SCEL: variants seen among roughly 807,000 people sequenced by gnomAD.
The protein encoded by SCEL is sciellin.
A neutral mutation model predicts 117.6 loss-of-function variants in SCEL; 113 were observed. The observed-to-expected ratio is 0.96, with a 90% CI of 0.83 to 1.12. SCEL has a LOEUF of 1.12. Among genes scored for constraint, SCEL ranks in the 50% most tolerant of loss-of-function variants. SCEL has a pLI of 0.00. For missense variants in SCEL, 785 were observed against 810.8 expected, an observed-to-expected ratio of 0.97 and a Z score of 0.39; for synonymous variants, 270 against 256.2, an observed-to-expected ratio of 1.05 and a Z score of -0.51.
chr13:77,542,963 C>T (rs184415701), intron 1 of SCEL, among the ~76,000 whole-genome samples: 141 of 152,154 alleles, frequency 9.3e-4, no homozygotes, highest in African/African-American at 3.4e-3. Flanking sequence ...GCACTGTTAC[C>T]GCACCCTGAA....
At chr13:77,554,473 T>C (rs943692225) in intron 1 of SCEL, among the ~76,000 whole-genome samples, 1 of 152,168 alleles carries the variant, frequency 6.6e-6, no homozygotes, top group Non-Finnish European at 1.5e-5. Context: ...AAATAATACG[T>C]TGACCCAAAG....
At position 77,621,135 on chromosome 13, in the gene SCEL, C is replaced by T. The variant is rs189791794; in HGVS notation, c.1628+3075C>T. ...ACTTGCCCCTCTGCTGCCAATCTCCCCTTCTGCCCTTCAATCCATTCGCCA... is the reference window on the plus strand; with the variant it reads ...ACTTGCCCCTCTGCTGCCAATCTCCTCTTCTGCCCTTCAATCCATTCGCCA... On this transcript the variant is annotated intron_variant, in intron 27 of 32. Coordinates refer to ENST00000349847, the MANE Select transcript of SCEL (RefSeq NM_144777.3). Among the ~76,000 whole-genome samples, 298 of 152,224 alleles carry T rather than the reference C, an allele frequency of 2.0e-3. 3 individuals carry two copies. The highest frequency in any genetic ancestry group is 8.8e-4 in the Non-Finnish European group (60 of 68,002).
intron 16 of SCEL, 58 bp downstream of exon 16, chr13:77,602,182 C>T: frequency 7.2e-7 from 1 of 1,391,638 alleles, no homozygotes; most frequent in Non-Finnish European, 1.0e-6. Context: ...TTTTTTACCT[C>T]ATTAGGAATG....
intron 9 of SCEL, among the ~76,000 whole-genome samples, chr13:77,576,553 A>G (rs561315434): frequency 6.6e-6 from 1 of 152,104 alleles, no homozygotes; most frequent in Admixed American, 6.6e-5. Flanking sequence ...TCCACTCCAG[A>G]TCTCTTCTCT....
At chr13:77,615,729 G>T (rs1399484007) in intron 24 of SCEL, among the ~76,000 whole-genome samples, 1 of 152,006 alleles carries the variant, frequency 6.6e-6, no homozygotes, top group African/African-American at 2.4e-5. Flanking sequence ...AAAATTGCAT[G>T]ATGCTATCAA....
intron 31 of SCEL, 109 bp from the exon 32 acceptor site, chr13:77,642,597 G>A (rs1386869555): frequency 1.7e-6 from 1 of 581,134 alleles, no homozygotes; most frequent in African/African-American, 1.9e-5. Flanking sequence ...AAACTTCAGT[G>A]ATAAACATCC....
chr13:77,581,133 AT>A (rs1335176394), intron 9 of SCEL, among the ~76,000 whole-genome samples: 3 of 152,238 alleles, frequency 2.0e-5, no homozygotes, highest in East Asian at 1.9e-4. Context: ...CAACAAAAAA[AT>A]ATTTATATTA....
chr13:77,541,986 G>C (rs994090413), intron 1 of SCEL, among the ~76,000 whole-genome samples: 6 of 152,224 alleles, frequency 3.9e-5, no homozygotes, highest in African/African-American at 1.4e-4. Context: ...ATGGGGCTCA[G>C]GTGATAGATA....
intron 5 of SCEL, among the ~76,000 whole-genome samples, chr13:77,564,303 A>C (rs1272776094): frequency 6.6e-6 from 1 of 152,008 alleles, no homozygotes; most frequent in Admixed American, 6.6e-5. Flanking sequence ...AGAGACTGTA[A>C]ATTTTAATAA....
At chr13:77,597,109 A>T (rs9600898) in intron 12 of SCEL, 1 of 164,328 alleles carries the variant, frequency 6.1e-6, no homozygotes, top group Admixed American at 6.5e-5. Flanking sequence ...TGTGGACTCA[A>T]TTAAAAGTGG....
intron 21 of SCEL, among the ~76,000 whole-genome samples, chr13:77,609,564 C>G (rs2088484635): frequency 6.6e-6 from 1 of 152,164 alleles, no homozygotes; most frequent in African/African-American, 2.4e-5. Flanking sequence ...CCCAACACTC[C>G]CAAATCTAAT....
chr13:77,545,317 G>A (rs1445879867), intron 1 of SCEL, among the ~76,000 whole-genome samples: 1 of 152,190 alleles, frequency 6.6e-6, no homozygotes, highest in Non-Finnish European at 1.5e-5. Context: ...ATATGTGGGT[G>A]TTGAGTAGAT....
At position 77,621,778 on chromosome 13, in the gene SCEL, T is replaced by C. The variant is rs535978688; in HGVS notation, c.1628+3718T>C. Among the ~76,000 whole-genome samples the C allele has an allele frequency of 9.9e-4, 150 of 152,258 alleles. 1 individual carries two copies. Among genetic ancestry groups the C allele is most frequent in the Non-Finnish European group, 1.8e-3 (123 of 68,024 alleles). On this transcript the variant is annotated intron_variant, in intron 27 of 32. Transcript: ENST00000349847. ...CTGTGACATTCTGAGCCCCTATGAG[T>C]GAAACAAGATGAAAAGAATCAGATT...
At chr13:77,603,245 C>T (rs1837620375) in intron 18 of SCEL, 110 bp downstream of exon 18, 2 of 560,716 alleles carry the variant, frequency 3.6e-6, no homozygotes, top group African/African-American at 1.9e-5. Context: ...TGGAATTAGA[C>T]AATAAAGATA....
At chr13:77,643,988 C>T (rs1267925302) in intron 32 of SCEL, among the ~76,000 whole-genome samples, 2 of 152,078 alleles carry the variant, frequency 1.3e-5, no homozygotes, top group African/African-American at 4.8e-5. Flanking sequence ...ATGTCTTCCT[C>T]CCTATATGTA....
chr13:77,592,699 C>T (rs7317661), intron 11 of SCEL, among the ~76,000 whole-genome samples: 99,281 of 151,360 alleles, frequency 0.66, 32,980 homozygotes, highest in South Asian at 0.73. Context: ...GTTGGGACTA[C>T]GCGCACAGGC....
Position 77,634,392 on chromosome 13 carries a change from G to C in SCEL, c.1705G>C (p.Ala569Pro). ...ENKNGSSNTG[A>P]KQAGPQDTVV... ...TTTGTTTTGCAGCTCTAACACTGGA[G>C]CCAAGCAGGCAGGACCACAGGATAC... Residue 569 changes from alanine to proline, a missense_variant, in exon 29 of 33, where the codon GCC becomes CCC. By Grantham distance (27) the Ala-to-Pro change is conservative (BLOSUM62 -1). Transcript: ENST00000349847. 6.2e-7 allele frequency: 1 copy of C among 1,613,368 alleles called. No individual in the cohort carries two copies. The highest frequency in any genetic ancestry group is 8.5e-7 in the Non-Finnish European group (1 of 1,179,504).
intron 24 of SCEL, among the ~76,000 whole-genome samples, chr13:77,617,064 G>A (rs1263546668): frequency 2.6e-5 from 4 of 152,110 alleles, no homozygotes; most frequent in African/African-American, 4.8e-5. Context: ...TTTCAAATGG[G>A]AGCGGACAGT....
chr13:77,631,338 T>C (rs1260823863), intron 28 of SCEL, among the ~76,000 whole-genome samples: 2 of 152,130 alleles, frequency 1.3e-5, no homozygotes, highest in Non-Finnish European at 2.9e-5. Context: ...TCTATCACTA[T>C]CCCATGAAAA....
Sources: allele counts gnomAD v4.1 joint callset (sites outside exome capture counted in the v4.1 genomes callset), GRCh38; gene constraint gnomAD v4.1.1; transcripts MANE v1.5; gene names NCBI Gene and HGNC (gene_info 2026-07-23, HGNC 2026-07-21).